Variants in AK9 observed in about 807,000 individuals in gnomAD.
AK9 encodes adenylate kinase 9, also known as adenylate kinase domain containing 1.
A neutral mutation model predicts 239.6 loss-of-function variants in AK9; 191 were observed. The ratio of observed to expected loss-of-function variants is 0.80; its 90% CI spans 0.71 to 0.90. The LOEUF (loss-of-function observed/expected upper bound fraction) is 0.90, where lower values mean the gene tolerates loss of function less well. Ranked by LOEUF, AK9 falls within the 40% of genes least tolerant of loss-of-function variation. AK9 has a pLI of 0.00. For missense variants in AK9, 1,995 were observed against 2,214.7 expected (o/e 0.90, Z 1.99); for synonymous variants, 689 against 721.0 (o/e 0.96, Z 0.71).
chr6:109,499,270 T>C, intron 35 of AK9, 30 bp from the exon 36 acceptor site: 1 of 1,383,258 alleles, frequency 7.2e-7, no homozygotes, highest in South Asian at 1.9e-5. Context: ...TATTATCATG[T>C]ATATATTTTT....
intron 28 of AK9, among the ~76,000 whole-genome samples, chr6:109,531,146 G>GA (rs1340620631): frequency 6.6e-6 from 1 of 152,184 alleles, no homozygotes; most frequent in East Asian, 1.9e-4. Flanking sequence ...GAAATACTGA[G>GA]AAAAAAATTA....
intron 12 of AK9, among the ~76,000 whole-genome samples, chr6:109,629,320 A>C (rs754259781): frequency 6.6e-6 from 1 of 152,158 alleles, no homozygotes; most frequent in Admixed American, 6.5e-5. Context: ...CTAAAACATA[A>C]GCAAAGGCCT....
intron 24 of AK9, 22 bp from the exon 25 acceptor site, chr6:109,550,324 T>C (rs1159580450): frequency 6.3e-7 from 1 of 1,582,266 alleles, no homozygotes; most frequent in Admixed American, 1.8e-5. Context: ...ATTCAAAGTT[T>C]GGAGAACATT....
intron 13 of AK9, 90 bp downstream of exon 13, chr6:109,619,002 C>A (rs1413442139): frequency 2.2e-6 from 3 of 1,378,578 alleles, no homozygotes; most frequent in Non-Finnish European, 1.9e-6. Context: ...CCAAGAATGC[C>A]AAGATGAGCT....
chr6:109,662,524 T>C, intron 6 of AK9, 27 bp downstream of exon 6: 1 of 1,469,320 alleles, frequency 6.8e-7, no homozygotes, highest in Non-Finnish European at 9.1e-7. Context: ...TGGTTTACTC[T>C]ACTAGCAAAA....
At chr6:109,570,690 C>T (rs2128193051) in intron 21 of AK9, among the ~76,000 whole-genome samples, 1 of 152,166 alleles carries the variant, frequency 6.6e-6, no homozygotes, top group East Asian at 1.9e-4. Flanking sequence ...GAGATGAGAA[C>T]TATCAGGAAA....
At chr6:109,523,062 G>A (rs1780036716) in intron 29 of AK9, among the ~76,000 whole-genome samples, 1 of 151,994 alleles carries the variant, frequency 6.6e-6, no homozygotes, top group Non-Finnish European at 1.5e-5. Flanking sequence ...GAATTTTTCT[G>A]CAATTTACCC....
chr6:109,514,118 CTT>C (rs1779022613), intron 32 of AK9, 104 bp downstream of exon 32: 1 of 1,094,554 alleles, frequency 9.1e-7, no homozygotes, highest in Non-Finnish European at 1.3e-6. Flanking sequence ...GATTAAATGT[CTT>C]TTTCTGCTGC....
intron 17 of AK9, among the ~76,000 whole-genome samples, chr6:109,596,000 T>C (rs1790978674): frequency 6.6e-6 from 1 of 151,728 alleles, no homozygotes; most frequent in Non-Finnish European, 1.5e-5. Flanking sequence ...TAAAGTATAA[T>C]TTAAAAAAAA....
At chr6:109,637,586 T>C (rs1796881624) in intron 10 of AK9, among the ~76,000 whole-genome samples, 1 of 152,182 alleles carries the variant, frequency 6.6e-6, no homozygotes, top group South Asian at 2.1e-4. Flanking sequence ...CTATTTTGTT[T>C]TGTTTCACTT....
chr6:109,563,981 A>G, intron 23 of AK9, 99 bp downstream of exon 23: 1 of 1,238,762 alleles, frequency 8.1e-7, no homozygotes, highest in Non-Finnish European at 1.1e-6. Flanking sequence ...TATACTGAAC[A>G]TTTACTTCAT....
chr6:109,567,966 G>A (rs1186501973), intron 21 of AK9, among the ~76,000 whole-genome samples: 7 of 151,078 alleles, frequency 4.6e-5, no homozygotes, highest in South Asian at 2.1e-4. Flanking sequence ...CCTGGCAGAG[G>A]CACAACAAAA....
chr6:109,534,591 AAT>A (rs201503326), intron 27 of AK9, among the ~76,000 whole-genome samples: 13 of 150,056 alleles, frequency 8.7e-5, no homozygotes, highest in East Asian at 7.8e-4. Flanking sequence ...TATTGGCCAT[AAT>A]ATATATATAT....
chr6:109,591,631 C>G (rs563726684), intron 17 of AK9, among the ~76,000 whole-genome samples: 1 of 152,250 alleles, frequency 6.6e-6, no homozygotes, highest in South Asian at 2.1e-4. Context: ...AGGTCTTATA[C>G]TTGCAAAGAG....
At chr6:109,536,705 G>A (rs1354785592) in intron 27 of AK9, among the ~76,000 whole-genome samples, 3 of 152,172 alleles carry the variant, frequency 2.0e-5, no homozygotes, top group Non-Finnish European at 4.4e-5. Flanking sequence ...AATGCTTCCA[G>A]TTTTTGCCCA....
chr6:109,641,021 TTG>T (rs960352101), intron 10 of AK9, among the ~76,000 whole-genome samples: 4 of 151,914 alleles, frequency 2.6e-5, no homozygotes, highest in African/African-American at 9.7e-5. Context: ...GTTTCAAAAC[TTG>T]TGTTGTGTCT....
rs762372563 is a variant in AK9, at chr6:109,493,407, AG to A, written c.5697del (p.Leu1901SerfsTer6). On this transcript the variant is annotated frameshift_variant, in exon 41 of 41. Transcript: ENST00000424296. LOFTEE classifies it high-confidence loss of function. ...RAIDFDHKLK[T>X]FLSLRNIDPI... ...GGGTCTATATTTCTGAGAGAGAGAA[AG>A]GTCTTTAACTTATGATCAAAGTCAA... 6.2e-7 allele frequency: 1 copy of A among 1,614,132 alleles called. No individual in the cohort carries two copies. The highest frequency in any genetic ancestry group is 2.2e-5 in the East Asian group (1 of 44,876).
chr6:109,586,983 AT>A (rs911894144), intron 17 of AK9, among the ~76,000 whole-genome samples: 6 of 150,822 alleles, frequency 4.0e-5, no homozygotes, highest in South Asian at 2.1e-4. Context: ...CTGCTTTTTG[AT>A]TTTTTTTTAG....
intron 17 of AK9, among the ~76,000 whole-genome samples, chr6:109,602,212 T>A (rs1163171551): frequency 1.3e-5 from 2 of 152,204 alleles, no homozygotes; most frequent in Admixed American, 6.5e-5. Context: ...TGGCTGGTAC[T>A]GGTTGTTCCT....
Sources: allele counts gnomAD v4.1 joint callset (sites outside exome capture counted in the v4.1 genomes callset), GRCh38; gene constraint gnomAD v4.1.1; transcripts MANE v1.5; gene names NCBI Gene and HGNC (gene_info 2026-07-23, HGNC 2026-07-21).